Variants in PPP2R3B observed in about 807,000 individuals in gnomAD.
The protein encoded by PPP2R3B is serine/threonine-protein phosphatase 2A regulatory subunit B'' subunit beta.
Under a neutral mutation model 72.9 loss-of-function variants are expected in PPP2R3B, and 68 were observed. The observed-to-expected ratio is 0.93, with a 90% confidence interval of 0.77 to 1.14. PPP2R3B has a LOEUF of 1.14. Ranked by LOEUF, PPP2R3B falls within the 50% of genes most tolerant of loss-of-function variation. The pLI, the probability that PPP2R3B is intolerant of heterozygous loss-of-function variation, is 0.00. For synonymous variants in PPP2R3B, 466 were observed against 375.8 expected (o/e 1.24, Z -2.78); for missense variants, 1,018 against 842.0 (o/e 1.21, Z -2.59).
chrX:341,404 G>C lies in PPP2R3B; in HGVS notation c.1086-8C>G, dbSNP rs2738364. 0.8 allele frequency: 1,284,423 copies of C among 1,611,780 alleles called. 513,198 individuals carry two copies. Among genetic ancestry groups the C allele is most frequent in the Middle Eastern group, 0.85 (5,165 of 6,054 alleles). On this transcript the variant is annotated splice_region_variant and splice_polypyrimidine_tract_variant and intron_variant, in intron 8 of 12. Coordinates refer to ENST00000390665, the MANE Select transcript of PPP2R3B (RefSeq NM_013239.5). ...TTCTGCACTTTTCTGCCTCTAGATC[G>C]AAAGCCAGGATGGAGAGACGAAGAT...
At chrX:351,231 G>T (rs1488579087) in intron 2 of PPP2R3B, among the ~76,000 whole-genome samples, 3 of 152,176 alleles carry the variant, frequency 2.0e-5, no homozygotes, top group African/African-American at 7.2e-5. Flanking sequence ...AGGGCGTCCC[G>T]GTGCGGTGGG....
intron 1 of PPP2R3B, among the ~76,000 whole-genome samples, chrX:381,414 A>C (rs1444201963): frequency 6.6e-6 from 1 of 152,048 alleles, no homozygotes; most frequent in Non-Finnish European, 1.5e-5. Flanking sequence ...CCCTCCTGAC[A>C]GCTCATACTC....
At chrX:370,806 T>C (rs1403452597) in intron 1 of PPP2R3B, among the ~76,000 whole-genome samples, 1 of 152,120 alleles carries the variant, frequency 6.6e-6, no homozygotes, top group Non-Finnish European at 1.5e-5. Flanking sequence ...AGGAGGTGCG[T>C]CAGGGACGCC....
chrX:386,714 C>A lies in PPP2R3B; in HGVS notation c.-23G>T. ...CATGGCGGGGGCTGGGCCCGCGGCG[C>A]CCCCGGACGCCCGCGCCCCGCCCCG... On this transcript the variant is annotated 5_prime_UTR_variant, in exon 1 of 13. Transcript: ENST00000390665. The A allele has an allele frequency of 1.6e-6, 2 of 1,230,680 alleles. No individual in the cohort carries two copies. Among genetic ancestry groups the A allele is most frequent in the Non-Finnish European group, 2.0e-6 (2 of 990,292 alleles). The allele number at this position is 1,230,680 out of a possible 1,614,324, so 76.2% of individuals were successfully genotyped here.
intron 5 of PPP2R3B, 102 bp downstream of exon 5, chrX:346,599 C>T (rs746500402): frequency 2.6e-6 from 3 of 1,154,430 alleles, no homozygotes; most frequent in East Asian, 2.6e-5. Context: ...AGCTCAGGAA[C>T]CCCGGGCCCC....
chrX:384,257 G>A (rs1305942826), intron 1 of PPP2R3B, among the ~76,000 whole-genome samples: 1 of 148,850 alleles, frequency 6.7e-6, no homozygotes, highest in Non-Finnish European at 1.5e-5. Flanking sequence ...GCGCACGCAA[G>A]AAGACTCTCT....
rs762637301 is a variant in PPP2R3B, at chrX:386,495, G to C, written c.197C>G (p.Pro66Arg). Reference sequence around the variant, plus strand: ...CGGGGGTTCGAGCCCGCTGGGCCGGGGGGCGGCGAGCGGGGCTGTGGGCCA... The same window carrying C: ...CGGGGGTTCGAGCCCGCTGGGCCGGCGGGCGGCGAGCGGGGCTGTGGGCCA... ...GAWPTAPLAA[P>R]RPSGLEPPGT... Residue 66 changes from proline to arginine, a missense_variant, in exon 1 of 13, where the codon CCC becomes CGC. Physicochemically the swap from Pro to Arg is moderately radical, Grantham distance 103. Transcript: ENST00000390665. 5 of 1,290,604 alleles carry C rather than the reference G, an allele frequency of 3.9e-6. No individual in the cohort carries two copies. In the East Asian group the frequency reaches 1.3e-4, roughly 33 times the overall value. The allele number at this position is 1,290,604 out of a possible 1,614,324, so 79.9% of individuals were successfully genotyped here. A position where few individuals can be genotyped will look rare whatever the true frequency, so the allele number is the denominator to read the frequency against.
intron 1 of PPP2R3B, among the ~76,000 whole-genome samples, chrX:383,402 C>T (rs1036857305): frequency 6.6e-5 from 10 of 152,056 alleles, no homozygotes; most frequent in Admixed American, 4.6e-4. Flanking sequence ...CAAGTTCCGA[C>T]GGAACATTCT....
intron 1 of PPP2R3B, among the ~76,000 whole-genome samples, chrX:383,135 G>C (rs994956571): frequency 1.3e-5 from 2 of 152,176 alleles, no homozygotes; most frequent in Non-Finnish European, 2.9e-5. Context: ...GCTGCCTCTA[G>C]CTCTAGTTCA....
At chrX:383,359 G>C (rs1378052334) in intron 1 of PPP2R3B, among the ~76,000 whole-genome samples, 1 of 152,026 alleles carries the variant, frequency 6.6e-6, no homozygotes, top group East Asian at 1.9e-4. Flanking sequence ...ATGGAAAGCT[G>C]GTGTTCAGCT....
rs200526706 is a variant in PPP2R3B at position 338,664 on chromosome X, G to A, written c.1517C>T (p.Ala506Val). The change falls in exon 12 of 13, where the codon GCG becomes GTG. Residue 506 changes from alanine (A) to valine (V), a missense_variant. By Grantham distance (64) the Ala-to-Val change is moderately conservative. Transcript: ENST00000390665. ...GPELSDWEKY[A>V]AEEYDILVAE... Reference sequence around the variant, plus strand: ...CACCAGGATGTCGTACTCCTCGGCCGCGTACTTCTCCCAGTCCGAGAGCTC... The same window carrying A: ...CACCAGGATGTCGTACTCCTCGGCCACGTACTTCTCCCAGTCCGAGAGCTC... 72 of 1,611,382 alleles carry A rather than the reference G, an allele frequency of 4.5e-5. No individual in the cohort carries two copies. Among genetic ancestry groups the A allele is most frequent in the East Asian group, 2.9e-4 (13 of 44,872 alleles).
chrX:378,069 G>A (rs373492347), intron 1 of PPP2R3B, among the ~76,000 whole-genome samples: 5 of 152,336 alleles, frequency 3.3e-5, no homozygotes, highest in African/African-American at 1.2e-4. Context: ...ATACACTACT[G>A]TGTACAGGGA....
chrX:361,685 T>C (rs1186567862), intron 1 of PPP2R3B, 95 bp from the exon 2 acceptor site: 3 of 1,432,824 alleles, frequency 2.1e-6, no homozygotes, highest in African/African-American at 2.8e-5. Flanking sequence ...GGGCCGACAG[T>C]GCTGAGGCCA....
chrX:380,285 G>A (rs950276625), intron 1 of PPP2R3B, among the ~76,000 whole-genome samples: 4 of 152,132 alleles, frequency 2.6e-5, no homozygotes, highest in African/African-American at 9.7e-5. Context: ...CCAGACTCAA[G>A]AGACATATGC....
intron 2 of PPP2R3B, among the ~76,000 whole-genome samples, chrX:350,761 G>A (rs1176441616): frequency 6.6e-6 from 1 of 152,228 alleles, no homozygotes; most frequent in Admixed American, 6.5e-5. Context: ...GAACTGGGAC[G>A]CCACGCAGCT....
Position 347,635 on chromosome X carries a change from C to A in PPP2R3B, c.569G>T (p.Arg190Leu). The change falls in exon 3 of 13, where the codon CGC becomes CTC. Residue 190 changes from arginine to leucine, a missense_variant. Transcript: ENST00000390665. ...CTTGTGGACGGACACGGAGCCCGTG[C>A]GCTCCCCGCCGGCGCCATAGAAGAG... ...GPLFYGAGGERTGSVSVHKFV... is the reference protein window; with the variant it reads ...GPLFYGAGGELTGSVSVHKFV... 6.4e-7 allele frequency: 1 copy of A among 1,573,418 alleles called. No individual in the cohort carries two copies. Among genetic ancestry groups the A allele is most frequent in the Non-Finnish European group, 8.6e-7 (1 of 1,159,276 alleles).
At chrX:370,477 G>T (rs910681851) in intron 1 of PPP2R3B, among the ~76,000 whole-genome samples, 9 of 152,294 alleles carry the variant, frequency 5.9e-5, no homozygotes, top group African/African-American at 2.2e-4. Context: ...GGATCATTCT[G>T]TCCACCAGCC....
intron 1 of PPP2R3B, among the ~76,000 whole-genome samples, chrX:366,748 A>G (rs1330285297): frequency 1.7e-4 from 18 of 106,408 alleles, no homozygotes; most frequent in African/African-American, 5.3e-4. Context: ...CTGTAATCCC[A>G]GCTACTTGAG....
At chrX:346,585 C>T (rs1410482353) in intron 5 of PPP2R3B, 116 bp downstream of exon 5, 11 of 1,021,152 alleles carry the variant, frequency 1.1e-5, no homozygotes, top group African/African-American at 1.6e-5. Flanking sequence ...CCGCCTCCTC[C>T]GGAAGCTCAG....
Sources: gnomAD v4.1 joint callset for allele counts (sites outside exome capture counted in the v4.1 genomes callset) on GRCh38, gnomAD v4.1.1 for gene constraint, MANE v1.5 for transcripts, NCBI Gene and HGNC (gene_info 2026-07-23, HGNC 2026-07-21) for gene names.